Variants in TSPAN18 observed in about 807,000 individuals in gnomAD.
TSPAN18 encodes the protein tetraspanin-18.
A neutral mutation model predicts 27.3 loss-of-function variants in TSPAN18; 14 were observed. That is an observed-to-expected ratio of 0.51 (90% CI 0.34 to 0.80). The LOEUF (loss-of-function observed/expected upper bound fraction) is 0.80, where lower values mean the gene tolerates loss of function less well. Ranked by LOEUF, TSPAN18 falls within the 30% of genes least tolerant of loss-of-function variation. TSPAN18 has a pLI of 0.01. For missense variants in TSPAN18, 268 were observed against 323.9 expected (o/e 0.83, Z 1.32); for synonymous variants, 143 against 136.5 (o/e 1.05, Z -0.33).
intron 2 of TSPAN18, among the ~76,000 whole-genome samples, chr11:44,766,217 C>G (rs555696367): frequency 5.9e-5 from 9 of 152,308 alleles, no homozygotes; most frequent in South Asian, 2.1e-4. Context: ...GAATCCAAGA[C>G]AGGGTGGCCG....
chr11:44,929,090 A>G (rs781416685), intron 9 of TSPAN18, 41 bp from the exon 10 acceptor site: 1 of 1,612,046 alleles, frequency 6.2e-7, no homozygotes, highest in African/African-American at 1.3e-5. Context: ...CAAAGGGCCC[A>G]GCCTGATAAG....
intron 3 of TSPAN18, among the ~76,000 whole-genome samples, chr11:44,864,466 A>G (rs1381740702): frequency 6.6e-6 from 1 of 151,960 alleles, no homozygotes; most frequent in African/African-American, 2.4e-5. Context: ...GTCCTATTGG[A>G]TAGGATGCTC....
At chr11:44,785,176 G>A (rs1856025841) in intron 2 of TSPAN18, among the ~76,000 whole-genome samples, 1 of 152,170 alleles carries the variant, frequency 6.6e-6, no homozygotes, top group South Asian at 2.1e-4. Flanking sequence ...AATAAATGCA[G>A]GGGATGGATT....
At chr11:44,798,798 G>A (rs1040105439) in intron 2 of TSPAN18, among the ~76,000 whole-genome samples, 8 of 152,226 alleles carry the variant, frequency 5.3e-5, no homozygotes, top group Non-Finnish European at 8.8e-5. Flanking sequence ...AGGGTTTAGA[G>A]TTTCCAGTTT....
intron 6 of TSPAN18, 37 bp from the exon 7 acceptor site, chr11:44,919,177 T>G: frequency 1.3e-6 from 2 of 1,563,014 alleles, no homozygotes; most frequent in Middle Eastern, 3.4e-4. Context: ...TGCACCCAAC[T>G]GCCAGGCCTA....
At chr11:44,788,795 A>G (rs1856123411) in intron 2 of TSPAN18, among the ~76,000 whole-genome samples, 1 of 152,152 alleles carries the variant, frequency 6.6e-6, no homozygotes, top group Non-Finnish European at 1.5e-5. Context: ...AGCTGGCAGC[A>G]CCTTGCTGGT....
intron 3 of TSPAN18, among the ~76,000 whole-genome samples, chr11:44,873,416 A>G (rs960005961): frequency 1.3e-5 from 2 of 152,208 alleles, no homozygotes; most frequent in Non-Finnish European, 1.5e-5. Flanking sequence ...ATTCTGTGAC[A>G]ACCCCAGAGA....
chr11:44,835,151 A>G (rs1857239446), intron 2 of TSPAN18, among the ~76,000 whole-genome samples: 1 of 152,232 alleles, frequency 6.6e-6, no homozygotes, highest in South Asian at 2.1e-4. Context: ...TGGCTTGGGC[A>G]GGCCTCTAAG....
intron 2 of TSPAN18, among the ~76,000 whole-genome samples, chr11:44,797,201 A>T (rs999586386): frequency 2.0e-5 from 3 of 152,224 alleles, no homozygotes; most frequent in African/African-American, 7.2e-5. Context: ...CAGGAGGCAG[A>T]CAAAGCAAAG....
At position 44,929,114 on chromosome 11, in the gene TSPAN18, T is replaced by G; in HGVS notation, c.700-17T>G. ...CAGCCTGATAAGCCAGTTCCTGCTC[T>G]TTTTCTTTTTTTGCAGCTTTTCGCC... On this transcript the variant is annotated splice_polypyrimidine_tract_variant and intron_variant, in intron 9 of 9. Coordinates refer to ENST00000520358, the MANE Select transcript of TSPAN18 (RefSeq NM_130783.5). The G allele has an allele frequency of 6.2e-7, 1 of 1,613,066 alleles. No individual in the cohort carries two copies. Among genetic ancestry groups the G allele is most frequent in the Non-Finnish European group, 8.5e-7 (1 of 1,180,014 alleles).
intron 8 of TSPAN18, among the ~76,000 whole-genome samples, chr11:44,922,068 C>T (rs1464187634): frequency 6.6e-6 from 1 of 151,572 alleles, no homozygotes; most frequent in Non-Finnish European, 1.5e-5. Flanking sequence ...GTGGAACTGT[C>T]TCTATTTGTC....
At chr11:44,804,158 C>T (rs780819394) in intron 2 of TSPAN18, among the ~76,000 whole-genome samples, 2 of 152,056 alleles carry the variant, frequency 1.3e-5, no homozygotes, top group Non-Finnish European at 2.9e-5. Flanking sequence ...AGCTGGAGTG[C>T]AATGGTGCGA....
intron 1 of TSPAN18, among the ~76,000 whole-genome samples, chr11:44,762,759 G>A (rs899730687): frequency 6.6e-6 from 1 of 152,124 alleles, no homozygotes; most frequent in African/African-American, 2.4e-5. Flanking sequence ...TTGAGGCCCA[G>A]ATAGCTAAAT....
chr11:44,892,825 G>A (rs893268749), intron 3 of TSPAN18, among the ~76,000 whole-genome samples: 2 of 152,242 alleles, frequency 1.3e-5, no homozygotes, highest in East Asian at 3.8e-4. Flanking sequence ...AGGCTAGTGA[G>A]CCGCAGTTTC....
intron 1 of TSPAN18, among the ~76,000 whole-genome samples, chr11:44,744,492 T>TG (rs904356796): frequency 1.3e-4 from 19 of 151,938 alleles, no homozygotes; most frequent in Admixed American, 8.5e-4. Flanking sequence ...GGCTTAGAAA[T>TG]GGGGGGGTAG....
intron 1 of TSPAN18, among the ~76,000 whole-genome samples, chr11:44,756,450 CA>C (rs1855335795): frequency 6.6e-6 from 1 of 152,002 alleles, no homozygotes; most frequent in Non-Finnish European, 1.5e-5. Context: ...TTTAAGTACA[CA>C]GTTCAGTTAT....
At chr11:44,912,363 T>C (rs1859752951) in intron 5 of TSPAN18, among the ~76,000 whole-genome samples, 1 of 151,848 alleles carries the variant, frequency 6.6e-6, no homozygotes, top group African/African-American at 2.4e-5. Flanking sequence ...CGCCCTTTCC[T>C]TGTCCCTGTC....
rs398115340 is a variant in TSPAN18 at position 44,860,474 on chromosome 11, CAG to C, written c.-11+8_-11+9del. The C allele has an allele frequency of 9.7e-4, 139 of 143,194 alleles. No individual in the cohort carries two copies. The highest frequency in any genetic ancestry group is 3.2e-3 in the African/African-American group (125 of 39,012). 8.9% of individuals were successfully genotyped at this position (143,194 alleles called of 1,614,324 possible). On this transcript the variant is annotated splice_donor_region_variant and intron_variant, in intron 3 of 9. Coordinates refer to ENST00000520358, the MANE Select transcript of TSPAN18 (RefSeq NM_130783.5). The stretch of plus-strand genomic sequence containing the variant: ...ATCTCAACGCTGGCTCTCCAGGTAA[CAG>C]AGGTTAGGCTCATTCAGCAAGGGGA...
intron 2 of TSPAN18, among the ~76,000 whole-genome samples, chr11:44,794,909 A>G (rs1412626189): frequency 1.3e-5 from 2 of 152,242 alleles, no homozygotes; most frequent in African/African-American, 4.8e-5. Flanking sequence ...GTAGGTGCTT[A>G]ATAAATGCTA....
Sources: allele counts gnomAD v4.1 joint callset (sites outside exome capture counted in the v4.1 genomes callset), GRCh38; gene constraint gnomAD v4.1.1; transcripts MANE v1.5; gene names NCBI Gene and HGNC (gene_info 2026-07-23, HGNC 2026-07-21).